The following ARAP1 variants were observed in gnomAD, a reference collection of about 807,000 sequenced individuals.
ARAP1 encodes the protein arf-GAP with Rho-GAP domain, ANK repeat and PH domain-containing protein 1.
ARAP1 carries 76 observed loss-of-function variants against 172.2 expected under a neutral mutation model. The ratio of observed to expected loss-of-function variants is 0.44; its 90% CI spans 0.37 to 0.53. The LOEUF is 0.53. Among genes scored for constraint, ARAP1 ranks in the 20% least tolerant of loss-of-function variants. The pLI, the probability that ARAP1 is intolerant of heterozygous loss-of-function variation, is 0.00. For synonymous variants in ARAP1, 804 were observed against 803.3 expected (o/e 1.00, Z -0.01); for missense variants, 1,686 against 1,977.5 (o/e 0.85, Z 2.80).
rs1287342319 is a variant in ARAP1, at chr11:72,699,195, C to G, written c.2439-88G>C. The G allele has an allele frequency of 4.7e-6, 7 of 1,477,504 alleles. No homozygotes were observed. Among genetic ancestry groups the G allele is most frequent in the Non-Finnish European group, 6.6e-6 (7 of 1,064,262 alleles). The allele number at this position is 1,477,504 out of a possible 1,614,324, so 91.5% of individuals were successfully genotyped here. ...CACCATCAACCGCCATCCTCTGCCCCCTCCGCACTGCCTTGGCGCTTGTCC... is the reference window on the plus strand; with the variant it reads ...CACCATCAACCGCCATCCTCTGCCCGCTCCGCACTGCCTTGGCGCTTGTCC... On this transcript the variant is annotated intron_variant, in intron 17 of 34. Coordinates refer to ENST00000393609, the MANE Select transcript of ARAP1 (RefSeq NM_001040118.3). This position sits in a 1 kb window ranked among gnomAD's most constrained non-coding sequence, Gnocchi z 4.2.
At position 72,701,722 on chromosome 11, in the gene ARAP1, G is replaced by T; in HGVS notation, c.2229C>A (p.Thr743=). ...TGTAGAGGAAGCCACTGTGGCTCAC[G>T]GTCGGCAGGACAACTGAGTAGTGCT... ...LEKHYSVVLP[T]VSHSGFLYKT... Residue 743 remains threonine (T), a synonymous_variant, in exon 16 of 35, where the codon ACC becomes ACA. Transcript: ENST00000393609. 1 of 1,613,990 alleles carries T rather than the reference G, an allele frequency of 6.2e-7. No homozygotes were observed. The highest frequency in any genetic ancestry group is 1.1e-5 in the South Asian group (1 of 91,086).
intron 31 of ARAP1, 101 bp from the exon 32 acceptor site, chr11:72,687,839 G>T: frequency 7.1e-7 from 1 of 1,400,358 alleles, no homozygotes. Context: ...CAGAGCCAGA[G>T]CCAGAGTTCA....
chr11:72,713,903 T>C (rs1173093406), intron 4 of ARAP1, among the ~76,000 whole-genome samples: 1 of 146,176 alleles, frequency 6.8e-6, no homozygotes, highest in African/African-American at 2.5e-5. Context: ...AATCAGACCA[T>C]GGGTAACTGG....
Position 72,712,472 on chromosome 11 carries a change from C to T in ARAP1, c.844G>A (p.Glu282Lys). ...CCCTCATAGGCGTGGTCATCCTCTT[C>T]CTCATCCCCTTGGTCGTCCCCAGAC... ...ELSGDDQGDEEEDDHAYEGVP... is the reference protein window; with the variant it reads ...ELSGDDQGDEKEDDHAYEGVP... Residue 282 changes from glutamate (E) to lysine (K), a missense_variant, in exon 6 of 35, where the codon GAA becomes AAA. Coordinates refer to ENST00000393609, the MANE Select transcript of ARAP1 (RefSeq NM_001040118.3). 1 of 1,606,768 alleles carries T rather than the reference C, an allele frequency of 6.2e-7. No homozygotes were observed. The highest frequency in any genetic ancestry group is 8.5e-7 in the Non-Finnish European group (1 of 1,174,634).
At chr11:72,705,755 G>A (rs766854418) in intron 13 of ARAP1, 50 bp downstream of exon 13, 3 of 1,602,176 alleles carry the variant, frequency 1.9e-6, no homozygotes, top group Admixed American at 1.7e-5. Context: ...CCAGACAGCT[G>A]TTGAATGGGG....
chr11:72,696,862 G>A lies in ARAP1; in HGVS notation c.3166+121C>T. 5 of 1,130,270 alleles carry A rather than the reference G, an allele frequency of 4.4e-6. No individual in the cohort carries two copies. In the South Asian group the frequency reaches 7.8e-5, roughly 18 times the overall value. 70.0% of individuals were successfully genotyped at this position (1,130,270 alleles called of 1,614,324 possible). On this transcript the variant is annotated intron_variant, in intron 22 of 34. Coordinates refer to ENST00000393609, the MANE Select transcript of ARAP1 (RefSeq NM_001040118.3). ...AGCGGCGATGGGAATGAGAAGCAGA[G>A]GCAGGCAACTGGAGCCTGTGGGTTA...
Position 72,721,465 on chromosome 11 carries a change from C to A in ARAP1, c.509+5155G>T, listed in dbSNP as rs116499281. ...CCAGAGGGGTGTAGGGAGGTGGGAG[C>A]AGAGAAGTAAGGTGATCAGCACCAG... On this transcript the variant is annotated intron_variant, in intron 3 of 34. Coordinates refer to ENST00000393609, the MANE Select transcript of ARAP1 (RefSeq NM_001040118.3). 6.6e-3 allele frequency among the ~76,000 whole-genome samples: 996 copies of A among 152,056 alleles called. 9 individuals are homozygous for A. The highest frequency in any genetic ancestry group is 0.023 in the African/African-American group (952 of 41,486).
At chr11:72,722,179 G>A (rs1857543901) in intron 3 of ARAP1, 4 of 978,074 alleles carry the variant, frequency 4.1e-6, no homozygotes, top group Non-Finnish European at 4.8e-6. Flanking sequence ...GAGAAAGACA[G>A]AGGGAGAGAG....
At chr11:72,743,624 G>T (rs1858270175) in intron 1 of ARAP1, among the ~76,000 whole-genome samples, 1 of 152,166 alleles carries the variant, frequency 6.6e-6, no homozygotes, top group African/African-American at 2.4e-5. Context: ...GGAGGTCTAG[G>T]AGTTGGAGAT....
chr11:72,716,631 G>A (rs1857285337), intron 3 of ARAP1, among the ~76,000 whole-genome samples: 1 of 152,280 alleles, frequency 6.6e-6, no homozygotes, highest in Non-Finnish European at 1.5e-5. Context: ...CACCTGTGGG[G>A]ATGTTAGAAA....
intron 12 of ARAP1, among the ~76,000 whole-genome samples, chr11:72,706,738 G>A (rs993247221): frequency 3.9e-5 from 6 of 152,164 alleles, no homozygotes; most frequent in African/African-American, 1.4e-4. Context: ...GCCAGAGTCT[G>A]ACCCACAAAT....
Position 72,696,980 on chromosome 11 carries a change from C to A in ARAP1, c.3166+3G>T. 1.2e-6 allele frequency: 2 copies of A among 1,602,716 alleles called. No homozygotes were observed. The highest frequency in any genetic ancestry group is 1.7e-6 in the Non-Finnish European group (2 of 1,178,976). Reference sequence around the variant, plus strand: ...GAGGCTGGGCACGGGCTGCAGGGCCCACCTGAGGCCTCCAGCCAGGTTAGG... The same window carrying A: ...GAGGCTGGGCACGGGCTGCAGGGCCAACCTGAGGCCTCCAGCCAGGTTAGG... On this transcript the variant is annotated splice_donor_region_variant and intron_variant, in intron 22 of 34. Coordinates refer to ENST00000393609, the MANE Select transcript of ARAP1 (RefSeq NM_001040118.3).
chr11:72,714,153 G>C lies in ARAP1; in HGVS notation c.678C>G (p.Phe226Leu). The C allele has an allele frequency of 6.8e-7, 1 of 1,480,140 alleles. No individual in the cohort carries two copies. The highest frequency in any genetic ancestry group is 8.9e-7 in the Non-Finnish European group (1 of 1,120,826). 91.7% of individuals were successfully genotyped at this position (1,480,140 alleles called of 1,614,324 possible). The change falls in exon 4 of 35, where the codon TTC becomes TTG. Residue 226 changes from phenylalanine (F) to leucine (L), a missense_variant and splice_region_variant. By Grantham distance (22) the Phe-to-Leu change is conservative (BLOSUM62 0). Coordinates refer to ENST00000393609, the MANE Select transcript of ARAP1 (RefSeq NM_001040118.3). ...CCATCTCCTGGCTGCAGCACTCACCGAACTCTGGGAACAGGCGTACCGGCT... is the reference window on the plus strand; with the variant it reads ...CCATCTCCTGGCTGCAGCACTCACCCAACTCTGGGAACAGGCGTACCGGCT... ...PPKPVRLFPEFDDSDYDEVPE... is the reference protein window; with the variant it reads ...PPKPVRLFPELDDSDYDEVPE...
At chr11:72,718,102 A>G (rs1321143855) in intron 3 of ARAP1, among the ~76,000 whole-genome samples, 2 of 152,236 alleles carry the variant, frequency 1.3e-5, no homozygotes, top group African/African-American at 4.8e-5. Context: ...TCTCGGAAGC[A>G]TCTGGGAAAT....
rs1209121826 is a variant in ARAP1 at position 72,696,606 on chromosome 11, A to G, written c.3215T>C (p.Val1072Ala). Residue 1072 changes from valine to alanine, a missense_variant, in exon 23 of 35, where the codon GTG becomes GCG. Transcript: ENST00000393609. ...EKVSRYRELLVRLPPVNRATV... is the reference protein window; with the variant it reads ...EKVSRYRELLARLPPVNRATV... ...GGCCCGGTTGACAGGGGGCAGCCGCACCAGCAGCTCTCGGTACCTGGAGAC... is the reference window on the plus strand; with the variant it reads ...GGCCCGGTTGACAGGGGGCAGCCGCGCCAGCAGCTCTCGGTACCTGGAGAC... 1 of 1,605,638 alleles carries G rather than the reference A, an allele frequency of 6.2e-7. No homozygotes were observed. The highest frequency in any genetic ancestry group is 1.1e-5 in the South Asian group (1 of 90,460).
chr11:72,702,290 G>C (rs1001365082), intron 15 of ARAP1, among the ~76,000 whole-genome samples: 2 of 152,178 alleles, frequency 1.3e-5, no homozygotes, highest in African/African-American at 4.8e-5. Flanking sequence ...CTCCAGCCCA[G>C]TGTGCCCCGC....
intron 3 of ARAP1, among the ~76,000 whole-genome samples, chr11:72,715,553 C>T (rs1046059023): frequency 1.3e-5 from 2 of 150,786 alleles, no homozygotes; most frequent in Non-Finnish European, 2.9e-5. Context: ...TGGGAATATC[C>T]ACTAGTTTTT....
intron 18 of ARAP1, 25 bp downstream of exon 18, chr11:72,698,980 A>C (rs1856344250): frequency 1.2e-6 from 2 of 1,611,314 alleles, no homozygotes; most frequent in Admixed American, 3.3e-5. Context: ...ACACCCTTAC[A>C]CCCACCCTGC....
intron 14 of ARAP1, chr11:72,703,780 A>T: frequency 4.6e-6 from 1 of 217,396 alleles, no homozygotes; most frequent in Non-Finnish European, 9.3e-6. Flanking sequence ...TGGGGTGTGG[A>T]TGGGGATGGG....
Sources: allele counts gnomAD v4.1 joint callset (sites outside exome capture counted in the v4.1 genomes callset), GRCh38; gene constraint gnomAD v4.1.1; non-coding constraint Gnocchi (gnomAD v3.1); transcripts MANE v1.5; gene names NCBI Gene and HGNC (gene_info 2026-07-23, HGNC 2026-07-21).